MDFIC2: variants seen among roughly 807,000 people sequenced by gnomAD.
The protein encoded by MDFIC2 is MyoD family inhibitor domain containing 2.
At chr3:70,270,404 C>T (rs751566590) in intron 2 of MDFIC2, among the ~76,000 whole-genome samples, 7 of 152,142 alleles carry the variant, frequency 4.6e-5, no homozygotes, top group Non-Finnish European at 7.4e-5. Context: ...AAAACACAGA[C>T]CAAACACATA....
intron 2 of MDFIC2, among the ~76,000 whole-genome samples, chr3:70,246,774 T>C (rs2106646857): frequency 6.6e-6 from 1 of 152,188 alleles, no homozygotes; most frequent in South Asian, 2.1e-4. Flanking sequence ...TAGACTATCA[T>C]TGGTATAAAA....
At chr3:70,219,906 C>G (rs901122149) in intron 2 of MDFIC2, among the ~76,000 whole-genome samples, 1 of 152,026 alleles carries the variant, frequency 6.6e-6, no homozygotes, top group Non-Finnish European at 1.5e-5. Context: ...TAAGCATAAG[C>G]GTTGTTCAAA....
chr3:70,306,498 A>C (rs1702402366), intron 2 of MDFIC2, among the ~76,000 whole-genome samples: 1 of 151,928 alleles, frequency 6.6e-6, no homozygotes, highest in Non-Finnish European at 1.5e-5. Context: ...ATAACTACAG[A>C]ACTCTCATCT....
At chr3:70,221,451 G>T (rs1244942910) in intron 2 of MDFIC2, among the ~76,000 whole-genome samples, 1 of 152,126 alleles carries the variant, frequency 6.6e-6, no homozygotes, top group Non-Finnish European at 1.5e-5. Flanking sequence ...GGAAGAATTT[G>T]AATTTGGGCA....
chr3:70,265,309 G>A (rs1027542392), intron 2 of MDFIC2, among the ~76,000 whole-genome samples: 1 of 152,190 alleles, frequency 6.6e-6, no homozygotes, highest in African/African-American at 2.4e-5. Flanking sequence ...CTAACCTAGT[G>A]AGATATTCTC....
At position 70,211,588 on chromosome 3, in the gene MDFIC2, C is replaced by G. The variant is rs533993809; in HGVS notation, c.89-4798G>C. On this transcript the variant is annotated intron_variant, in intron 2 of 3. Transcript: ENST00000567252. ...CCTTCCCTTCCCTTCCCTTCCTTTCCCTTCCCTTCCCTTTGCCTTTCCCTT... is the reference window on the plus strand; with the variant it reads ...CCTTCCCTTCCCTTCCCTTCCTTTCGCTTCCCTTCCCTTTGCCTTTCCCTT... Among the ~76,000 whole-genome samples, 570 of 110,756 alleles carry G rather than the reference C, an allele frequency of 5.1e-3. 8 individuals carry two copies. The highest frequency in any genetic ancestry group is 0.013 in the South Asian group (31 of 2,474). 72.7% of individuals were successfully genotyped at this position (110,756 alleles called of 152,430 possible). A position where few individuals can be genotyped will look rare whatever the true frequency, so the allele number is the denominator to read the frequency against.
At chr3:70,306,273 C>A (rs182722997) in intron 2 of MDFIC2, among the ~76,000 whole-genome samples, 19 of 151,962 alleles carry the variant, frequency 1.3e-4, no homozygotes, top group Non-Finnish European at 4.4e-5. Flanking sequence ...GTGGCTAGCC[C>A]GGCTAATTTC....
intron 2 of MDFIC2, among the ~76,000 whole-genome samples, chr3:70,285,676 A>G (rs1404794568): frequency 2.7e-5 from 4 of 150,336 alleles, no homozygotes; most frequent in South Asian, 2.1e-4. Context: ...TCCCACCAAC[A>G]GTGTAAAAGT....
intron 2 of MDFIC2, among the ~76,000 whole-genome samples, chr3:70,290,922 G>A (rs966554712): frequency 1.3e-5 from 2 of 152,120 alleles, no homozygotes; most frequent in Non-Finnish European, 2.9e-5. Flanking sequence ...TTCGGATGGC[G>A]CACGGTGCGC....
chr3:70,220,334 G>C (rs888330067), intron 2 of MDFIC2, among the ~76,000 whole-genome samples: 3 of 152,076 alleles, frequency 2.0e-5, no homozygotes, highest in Admixed American at 6.6e-5. Flanking sequence ...GGGAGGCCGA[G>C]GTGAGAGGAT....
In MDFIC2 at chr3:70,281,725, C is replaced by T. The variant is rs537371816; in HGVS notation, c.88+30161G>A. On this transcript the variant is annotated intron_variant, in intron 2 of 3. Coordinates refer to ENST00000567252, the MANE Select transcript of MDFIC2 (RefSeq NM_001364677.1). ...GCCCCACCTCAAGTGAACTCCTTCTCGTCTTTGGAATTCCGATAGAGAATC... is the reference window on the plus strand; with the variant it reads ...GCCCCACCTCAAGTGAACTCCTTCTTGTCTTTGGAATTCCGATAGAGAATC... Among the ~76,000 whole-genome samples, 11 of 152,266 alleles carry T rather than the reference C, an allele frequency of 7.2e-5. No homozygotes were observed. In the Middle Eastern group the frequency reaches 0.01, roughly 141 times the overall value.
intron 2 of MDFIC2, among the ~76,000 whole-genome samples, chr3:70,240,043 G>A (rs1299920664): frequency 6.6e-6 from 1 of 152,010 alleles, no homozygotes; most frequent in East Asian, 1.9e-4. Flanking sequence ...TGATAGTTTT[G>A]AGTGCTTCAA....
chr3:70,297,975 A>C (rs1403082), intron 2 of MDFIC2, among the ~76,000 whole-genome samples: 37,805 of 151,978 alleles, frequency 0.25, 4,879 homozygotes, highest in South Asian at 0.33. Context: ...CTACTTAAAT[A>C]ATCAGGGGAG....
At chr3:70,254,360 T>C (rs150680634) in intron 2 of MDFIC2, among the ~76,000 whole-genome samples, 1 of 152,332 alleles carries the variant, frequency 6.6e-6, no homozygotes, top group Admixed American at 6.5e-5. Flanking sequence ...ATGCAATTAT[T>C]CTCAATTATT....
intron 2 of MDFIC2, among the ~76,000 whole-genome samples, chr3:70,280,086 G>T (rs930926705): frequency 2.0e-5 from 3 of 152,124 alleles, no homozygotes; most frequent in Non-Finnish European, 4.4e-5. Context: ...TCCCTCTGGA[G>T]CCTCTGGCAG....
chr3:70,223,656 C>T (rs190869439), intron 2 of MDFIC2, among the ~76,000 whole-genome samples: 13 of 152,194 alleles, frequency 8.5e-5, no homozygotes, highest in Admixed American at 7.9e-4. Context: ...AGGTTCATTC[C>T]CAAGACTTAA....
intron 3 of MDFIC2, 45 bp downstream of exon 3, chr3:70,206,524 G>C (rs545307606): frequency 2.5e-6 from 1 of 397,236 alleles, no homozygotes; most frequent in South Asian, 1.3e-4. Flanking sequence ...GGGGATGGGG[G>C]TTGGGAGCTT....
intron 2 of MDFIC2, among the ~76,000 whole-genome samples, chr3:70,236,462 A>C (rs1701609957): frequency 6.6e-6 from 1 of 152,172 alleles, no homozygotes; most frequent in Admixed American, 6.5e-5. Flanking sequence ...TCCCACTTGC[A>C]ACATGTTCTT....
chr3:70,312,591 A>G lies in MDFIC2; in HGVS notation c.-41T>C, dbSNP rs994442595. Reference sequence around the variant, plus strand: ...GGAGGCCCAAGGTGTGGGACTGGGGAGCAGTGAGCTGCAGCCTCCCTTGTC... The same window carrying G: ...GGAGGCCCAAGGTGTGGGACTGGGGGGCAGTGAGCTGCAGCCTCCCTTGTC... On this transcript the variant is annotated 5_prime_UTR_variant, in exon 1 of 4. Transcript: ENST00000567252. 1.3e-5 allele frequency: 2 copies of G among 152,194 alleles called. No individual in the cohort carries two copies. Among genetic ancestry groups the G allele is most frequent in the African/African-American group, 2.4e-5 (1 of 41,446 alleles). 9.4% of individuals were successfully genotyped at this position (152,194 alleles called of 1,614,324 possible).
Sources: gnomAD v4.1 joint callset for allele counts (sites outside exome capture counted in the v4.1 genomes callset) on GRCh38, gnomAD v4.1.1 for gene constraint, MANE v1.5 for transcripts, NCBI Gene and HGNC (gene_info 2026-07-23, HGNC 2026-07-21) for gene names.